The following KIAA1217 variants were observed in gnomAD, a reference collection of about 807,000 sequenced individuals.
The protein encoded by KIAA1217 is sickle tail protein homolog.
Under a neutral mutation model 163.9 loss-of-function variants are expected in KIAA1217, and 88 were observed. The ratio of observed to expected loss-of-function variants is 0.54; its 90% CI spans 0.45 to 0.64. KIAA1217 has a LOEUF of 0.64. KIAA1217 is among the 30% of genes least tolerant of loss of function. The pLI is 0.00. For synonymous variants in KIAA1217, 903 were observed against 923.1 expected (o/e 0.98, Z 0.39); for missense variants, 2,372 against 2,475.0 (o/e 0.96, Z 0.88).
chr10:23,801,761 G>T (rs771978535), intron 1 of KIAA1217, among the ~76,000 whole-genome samples: 4 of 152,150 alleles, frequency 2.6e-5, no homozygotes, highest in Admixed American at 6.5e-5. Flanking sequence ...AGTAAGTAAC[G>T]TGCTTAAGGT....
intron 2 of KIAA1217, among the ~76,000 whole-genome samples, chr10:24,306,231 C>G (rs2041993185): frequency 6.6e-6 from 1 of 152,142 alleles, no homozygotes; most frequent in African/African-American, 2.4e-5. Flanking sequence ...CCACAGCAAC[C>G]AACTTGGAAA....
At chr10:24,358,401 C>A (rs2134164092) in intron 2 of KIAA1217, among the ~76,000 whole-genome samples, 1 of 152,248 alleles carries the variant, frequency 6.6e-6, no homozygotes, top group African/African-American at 2.4e-5. Context: ...GGCAGGGATA[C>A]TTCAATTTCA....
chr10:24,346,579 T>C (rs2047811633), intron 2 of KIAA1217, among the ~76,000 whole-genome samples: 1 of 142,026 alleles, frequency 7.0e-6, no homozygotes, highest in Non-Finnish European at 1.5e-5. Flanking sequence ...TTTTTTTTTT[T>C]TTTTTTTTTG....
At chr10:23,940,736 A>G (rs931841724) in intron 1 of KIAA1217, among the ~76,000 whole-genome samples, 1 of 152,194 alleles carries the variant, frequency 6.6e-6, no homozygotes, top group African/African-American at 2.4e-5. Context: ...CCATCATACA[A>G]TGTATATTCT....
intron 2 of KIAA1217, among the ~76,000 whole-genome samples, chr10:24,023,775 C>A (rs1847832448): frequency 1.3e-5 from 2 of 151,108 alleles, no homozygotes; most frequent in Admixed American, 6.6e-5. Flanking sequence ...AAATAAATAC[C>A]ACATAGCAAT....
chr10:23,798,336 C>T (rs562587693), intron 1 of KIAA1217, among the ~76,000 whole-genome samples: 1 of 152,186 alleles, frequency 6.6e-6, no homozygotes, highest in East Asian at 1.9e-4. Context: ...AAAAATGATC[C>T]CAGCAAACCT....
chr10:24,317,358 AT>A (rs542302483), intron 2 of KIAA1217, among the ~76,000 whole-genome samples: 54 of 152,160 alleles, frequency 3.5e-4, no homozygotes, highest in African/African-American at 1.3e-3. Context: ...GACTCAAGCG[AT>A]TCCCCCACCT....
At chr10:23,970,483 G>A (rs548692052) in intron 1 of KIAA1217, among the ~76,000 whole-genome samples, 106 of 152,280 alleles carry the variant, frequency 7.0e-4, no homozygotes, top group Non-Finnish European at 1.2e-3. Flanking sequence ...GGAGCTGGGC[G>A]AGGTGTTGCT....
chr10:24,198,286 G>A (rs916985102), intron 2 of KIAA1217, among the ~76,000 whole-genome samples: 4 of 152,110 alleles, frequency 2.6e-5, no homozygotes, highest in African/African-American at 9.7e-5. Flanking sequence ...TTCATTAATC[G>A]GATTCTGACC....
intron 6 of KIAA1217, among the ~76,000 whole-genome samples, chr10:24,476,191 C>T (rs2064017412): frequency 6.6e-6 from 1 of 152,200 alleles, no homozygotes; most frequent in Non-Finnish European, 1.5e-5. Flanking sequence ...TGGTGTCTGC[C>T]TTCTTTCCAG....
chr10:23,906,881 C>T (rs755528750), intron 1 of KIAA1217, among the ~76,000 whole-genome samples: 1 of 152,106 alleles, frequency 6.6e-6, no homozygotes, highest in Non-Finnish European at 1.5e-5. Context: ...GGTTCCCTTA[C>T]ATTCTATACA....
intron 2 of KIAA1217, among the ~76,000 whole-genome samples, chr10:24,322,080 C>G (rs2044237491): frequency 6.6e-6 from 1 of 152,110 alleles, no homozygotes; most frequent in African/African-American, 2.4e-5. Context: ...TCCTGAGTAG[C>G]TGGGATCACA....
intron 2 of KIAA1217, among the ~76,000 whole-genome samples, chr10:24,026,742 A>ATTTTTTTTT: frequency 1.0e-4 from 7 of 70,076 alleles, no homozygotes; most frequent in South Asian, 5.1e-4. Flanking sequence ...TATTTCATTG[A>ATTTTTTTTT]TTTTTTTTTT....
intron 1 of KIAA1217, among the ~76,000 whole-genome samples, chr10:23,939,739 C>T (rs1302254299): frequency 6.6e-6 from 1 of 151,456 alleles, no homozygotes; most frequent in Non-Finnish European, 1.5e-5. Flanking sequence ...ATATAGAAGA[C>T]TTAAACAAGA....
intron 1 of KIAA1217, among the ~76,000 whole-genome samples, chr10:23,987,418 T>C (rs950648220): frequency 2.8e-5 from 4 of 142,852 alleles, no homozygotes; most frequent in Non-Finnish European, 3.1e-5. Flanking sequence ...TTTGTTTTTT[T>C]AAAAAAAAAC....
intron 2 of KIAA1217, among the ~76,000 whole-genome samples, chr10:24,285,899 A>G (rs1342229980): frequency 6.6e-6 from 1 of 152,110 alleles, no homozygotes; most frequent in Non-Finnish European, 1.5e-5. Context: ...TAGTTCCCTT[A>G]CAGAGATCTT....
At chr10:24,516,424 A>C (rs2134376621) in intron 10 of KIAA1217, among the ~76,000 whole-genome samples, 1 of 152,234 alleles carries the variant, frequency 6.6e-6, no homozygotes, top group South Asian at 2.1e-4. Flanking sequence ...TGTAAGAGAA[A>C]CCTGGATTTC....
intron 2 of KIAA1217, among the ~76,000 whole-genome samples, chr10:24,221,164 T>C (rs573134522): frequency 6.6e-6 from 1 of 152,326 alleles, no homozygotes; most frequent in East Asian, 1.9e-4. Flanking sequence ...GACAGTCATA[T>C]AGACATTACC....
intron 6 of KIAA1217, among the ~76,000 whole-genome samples, chr10:24,478,157 A>C (rs2064246664): frequency 6.6e-6 from 1 of 152,196 alleles, no homozygotes; most frequent in African/African-American, 2.4e-5. Flanking sequence ...GAGCACTTCA[A>C]TATAGTAGCC....
Sources: gnomAD v4.1 joint callset for allele counts (sites outside exome capture counted in the v4.1 genomes callset) on GRCh38, gnomAD v4.1.1 for gene constraint, MANE v1.5 for transcripts, NCBI Gene and HGNC (gene_info 2026-07-23, HGNC 2026-07-21) for gene names.